ADGRV1: variants seen among roughly 807,000 people sequenced by gnomAD.
ADGRV1 encodes adhesion G protein-coupled receptor V1.
A neutral mutation model predicts 596.2 loss-of-function variants in ADGRV1; 359 were observed. The ratio of observed to expected loss-of-function variants is 0.60; its 90% CI spans 0.55 to 0.66. The LOEUF is 0.66. Among genes scored for constraint, ADGRV1 ranks in the 30% least tolerant of loss-of-function variants. The probability of loss-of-function intolerance (pLI) is 0.00; values close to 1 mark genes in which losing one functional copy is unlikely to be tolerated. For synonymous variants in ADGRV1, 2,681 were observed against 2,679.2 expected, an observed-to-expected ratio of 1.00 and a Z score of -0.02; for missense variants, 7,274 against 7,575.6, an observed-to-expected ratio of 0.96 and a Z score of 1.48.
At chr5:90,710,281 G>A (rs1250563846) in intron 39 of ADGRV1, among the ~76,000 whole-genome samples, 2 of 152,136 alleles carry the variant, frequency 1.3e-5, no homozygotes, top group Non-Finnish European at 2.9e-5. Context: ...CTAATCAGGA[G>A]CAGGATTAGT....
intron 1 of ADGRV1, among the ~76,000 whole-genome samples, chr5:90,590,205 A>T (rs182279506): frequency 6.6e-6 from 1 of 152,328 alleles, no homozygotes; most frequent in African/African-American, 2.4e-5. Context: ...GTAAGAAGCC[A>T]TGTCCAAACT....
At chr5:90,606,605 A>G (rs1762134373) in intron 1 of ADGRV1, among the ~76,000 whole-genome samples, 2 of 152,194 alleles carry the variant, frequency 1.3e-5, no homozygotes, top group African/African-American at 4.8e-5. Context: ...CACCATAATT[A>G]TTGTAGAACT....
At chr5:90,928,922 G>T (rs1229794333) in intron 83 of ADGRV1, among the ~76,000 whole-genome samples, 2 of 145,530 alleles carry the variant, frequency 1.4e-5, no homozygotes, top group African/African-American at 2.5e-5. Context: ...CTGCTGGGGG[G>T]TGCCTCCCAG....
chr5:90,629,109 A>G (rs1286990392), intron 8 of ADGRV1, 101 bp from the exon 9 acceptor site: 2 of 658,362 alleles, frequency 3.0e-6, no homozygotes, highest in Non-Finnish European at 4.6e-6. Context: ...TAGACATAAA[A>G]TATTAATAAA....
At chr5:90,596,845 G>A (rs542688835) in intron 1 of ADGRV1, among the ~76,000 whole-genome samples, 2 of 152,162 alleles carry the variant, frequency 1.3e-5, no homozygotes, top group South Asian at 4.1e-4. Flanking sequence ...GGGAGAGGGA[G>A]AGCGAGAGGG....
intron 88 of ADGRV1, among the ~76,000 whole-genome samples, chr5:91,150,427 C>CTA (rs1290223688): frequency 6.6e-6 from 1 of 152,172 alleles, no homozygotes; most frequent in Non-Finnish European, 1.5e-5. Flanking sequence ...GGTTTCCTTA[C>CTA]TATAGCGTCA....
intron 52 of ADGRV1, among the ~76,000 whole-genome samples, chr5:90,748,332 C>G (rs766689548): frequency 2.6e-5 from 4 of 152,068 alleles, no homozygotes; most frequent in Non-Finnish European, 5.9e-5. Flanking sequence ...TTCCTAGCAG[C>G]CTACATTTTT....
In ADGRV1 at chr5:90,745,747, A is replaced by C. The variant is rs1754553597; in HGVS notation, c.10926A>C (p.Ile3642=). 6 of 1,612,208 alleles carry C rather than the reference A, an allele frequency of 3.7e-6. No individual in the cohort carries two copies. In the Middle Eastern group the frequency reaches 4.9e-4, roughly 133 times the overall value. The change falls in exon 52 of 90, where the codon ATA becomes ATC. Residue 3642 remains isoleucine (I), a synonymous_variant. Transcript: ENST00000405460. ...AEIGINDSVT[I]TILSNDDAYG... Reference sequence around the variant, plus strand: ...TTGGCATTAATGATTCTGTAACAATAACCATTCTGTCTAATGATGATGCCT... The same window carrying C: ...TTGGCATTAATGATTCTGTAACAATCACCATTCTGTCTAATGATGATGCCT...
intron 1 of ADGRV1, among the ~76,000 whole-genome samples, chr5:90,576,211 C>G (rs6866214): frequency 0.011 from 1,729 of 151,954 alleles, 31 homozygotes; most frequent in African/African-American, 0.04. Flanking sequence ...TTTGCTGCAC[C>G]CATCAACCCG....
intron 85 of ADGRV1, among the ~76,000 whole-genome samples, chr5:90,993,943 T>A (rs941450282): frequency 1.3e-5 from 2 of 151,898 alleles, no homozygotes; most frequent in Admixed American, 1.3e-4. Context: ...TCCTCAGACA[T>A]GGTAACCACA....
At chr5:91,045,747 AT>A (rs1230508161) in intron 85 of ADGRV1, among the ~76,000 whole-genome samples, 2 of 152,176 alleles carry the variant, frequency 1.3e-5, no homozygotes, top group Non-Finnish European at 2.9e-5. Flanking sequence ...CTGTTTACTG[AT>A]TATATGATTG....
intron 1 of ADGRV1, among the ~76,000 whole-genome samples, chr5:90,587,978 A>T (rs1758996592): frequency 6.6e-6 from 1 of 152,240 alleles, no homozygotes; most frequent in Admixed American, 6.5e-5. Flanking sequence ...TAAACATTTA[A>T]TTTCACATAA....
At chr5:91,052,392 GT>G (rs1249423741) in intron 85 of ADGRV1, among the ~76,000 whole-genome samples, 2 of 148,916 alleles carry the variant, frequency 1.3e-5, no homozygotes, top group South Asian at 4.2e-4. Context: ...TAATAGCACT[GT>G]TTTGTTGATA....
At chr5:91,033,347 C>T (rs77592461) in intron 85 of ADGRV1, among the ~76,000 whole-genome samples, 118 of 152,178 alleles carry the variant, frequency 7.8e-4, no homozygotes, top group African/African-American at 2.7e-3. Flanking sequence ...TGCCCTTTGA[C>T]GGGGTCCTAC....
chr5:90,621,355 T>C (rs1764042236), intron 4 of ADGRV1, among the ~76,000 whole-genome samples: 2 of 152,224 alleles, frequency 1.3e-5, no homozygotes, highest in South Asian at 4.1e-4. Context: ...TAGTGCAGTA[T>C]CTTTGTTAAA....
In ADGRV1 at chr5:90,765,152, C is replaced by G. The variant is rs574766011; in HGVS notation, c.12285+1683C>G. ...GGCTCTCTTCCCCCAGTTTTCTGTT[C>G]AGAACTGGGCCTTTCACCAGTAACT... On this transcript the variant is annotated intron_variant, in intron 59 of 89. Transcript: ENST00000405460. Among the ~76,000 whole-genome samples, 6 of 152,180 alleles carry G rather than the reference C, an allele frequency of 3.9e-5. No individual in the cohort carries two copies. The East Asian group carries it at 1.2e-3, about 29-fold the overall frequency.
In ADGRV1 at chr5:90,683,663, C is replaced by T. The variant is rs1745232647; in HGVS notation, c.5742C>T (p.Ala1914=). The T allele has an allele frequency of 1.9e-6, 3 of 1,613,584 alleles. No individual in the cohort carries two copies. Among genetic ancestry groups the T allele is most frequent in the Non-Finnish European group, 2.5e-6 (3 of 1,179,652 alleles). ...NIDSDPDGDL[A]FTSGNITFEI... ...ACTCTGATCCTGATGGTGATCTCGC[C>T]TTCACCTCTGGCAACATCACATTTG... is the stretch of plus-strand genomic sequence containing the variant. The change falls in exon 28 of 90, where the codon GCC becomes GCT. Residue 1914 remains alanine (A), a synonymous_variant. Coordinates refer to ENST00000405460, the MANE Select transcript of ADGRV1 (RefSeq NM_032119.4).
intron 56 of ADGRV1, 47 bp from the exon 57 acceptor site, chr5:90,756,932 A>G: frequency 5.8e-6 from 8 of 1,390,488 alleles, no homozygotes; most frequent in Non-Finnish European, 7.9e-6. Flanking sequence ...ATGACTTATG[A>G]GAGTTACCAT....
rs148745064 is a variant in ADGRV1, at chr5:90,582,389, A to G, written c.22+23472A>G. On this transcript the variant is annotated intron_variant, in intron 1 of 89. Transcript: ENST00000405460. ...CTGGGTGCTCTAGAGTTGGGTGTGT[A>G]TATATTTAGGATAGCCAGAGCTTCT... Among the ~76,000 whole-genome samples, 53 of 152,272 alleles carry G rather than the reference A, an allele frequency of 3.5e-4. No individual in the cohort carries two copies. The East Asian group carries it at 9.1e-3, about 26-fold the overall frequency.
Sources: gnomAD v4.1 joint callset for allele counts (sites outside exome capture counted in the v4.1 genomes callset) on GRCh38, gnomAD v4.1.1 for gene constraint, MANE v1.5 for transcripts, NCBI Gene and HGNC (gene_info 2026-07-23, HGNC 2026-07-21) for gene names.